The following ADGRL2 variants were observed in gnomAD, a reference collection of about 807,000 sequenced individuals.
The protein encoded by ADGRL2 is calcium-independent alpha-latrotoxin receptor 2.
Under a neutral mutation model 157.4 loss-of-function variants are expected in ADGRL2, and 44 were observed. That is an observed-to-expected ratio of 0.28 (90% CI 0.22 to 0.36). ADGRL2 has a LOEUF of 0.36. Among genes scored for constraint, ADGRL2 ranks in the 10% least tolerant of loss-of-function variants. The pLI is 1.00. For synonymous variants in ADGRL2, 585 were observed against 624.7 expected, an observed-to-expected ratio of 0.94 and a Z score of 0.95; for missense variants, 1,510 against 1,768.9, an observed-to-expected ratio of 0.85 and a Z score of 2.63.
chr1:81,852,296 T>G (rs1403598159), intron 2 of ADGRL2, among the ~76,000 whole-genome samples: 2 of 152,106 alleles, frequency 1.3e-5, no homozygotes, highest in African/African-American at 4.8e-5. Flanking sequence ...AATGTATTGC[T>G]GTTTGATAAG....
intron 1 of ADGRL2, among the ~76,000 whole-genome samples, chr1:81,324,407 G>A (rs1322539803): frequency 6.6e-6 from 1 of 151,406 alleles, no homozygotes; most frequent in Non-Finnish European, 1.5e-5. Context: ...TATTCGGAAA[G>A]CTGAGGCAGG....
At chr1:81,345,837 C>T (rs947039058) in intron 1 of ADGRL2, among the ~76,000 whole-genome samples, 1 of 152,084 alleles carries the variant, frequency 6.6e-6, no homozygotes, top group African/African-American at 2.4e-5. Context: ...TATAGATATT[C>T]AATTGATATT....
At chr1:81,382,708 TAGTGAC>T (rs2076364078) in intron 1 of ADGRL2, among the ~76,000 whole-genome samples, 3 of 152,128 alleles carry the variant, frequency 2.0e-5, no homozygotes, top group Admixed American at 1.3e-4. Context: ...CAAAAATAAA[TAGTGAC>T]AGATGAAGAG....
intron 2 of ADGRL2, among the ~76,000 whole-genome samples, chr1:81,882,338 T>G (rs2151240948): frequency 6.6e-6 from 1 of 152,304 alleles, no homozygotes; most frequent in South Asian, 2.1e-4. Flanking sequence ...ATGTCCCACA[T>G]AGTTAGGATC....
At chr1:81,319,866 C>CTGAA (rs1660388123) in intron 1 of ADGRL2, among the ~76,000 whole-genome samples, 1 of 152,138 alleles carries the variant, frequency 6.6e-6, no homozygotes, top group South Asian at 2.1e-4. Context: ...ATGGTAGTTG[C>CTGAA]TGAAGGTTGC....
In ADGRL2 at chr1:81,964,301, T is replaced by G. The variant is rs1010222433; in HGVS notation, c.2018-1757T>G. On this transcript the variant is annotated intron_variant, in intron 11 of 23. Transcript: ENST00000686636. ...CTCAGAGGATATTCTTCTTTCATCCTGTCTTGTTTTAAGATATGAAAGCTT... is the reference window on the plus strand; with the variant it reads ...CTCAGAGGATATTCTTCTTTCATCCGGTCTTGTTTTAAGATATGAAAGCTT... Among the ~76,000 whole-genome samples, 26 of 152,116 alleles carry G rather than the reference T, an allele frequency of 1.7e-4. 1 individual carries two copies. Among genetic ancestry groups the G allele is most frequent in the Admixed American group, 3.9e-4 (6 of 15,286 alleles).
intron 1 of ADGRL2, among the ~76,000 whole-genome samples, chr1:81,413,735 A>G (rs947297846): frequency 6.6e-6 from 1 of 152,238 alleles, no homozygotes; most frequent in Admixed American, 6.5e-5. Flanking sequence ...ATTTCCTTTT[A>G]CACTATCAGA....
chr1:81,358,714 T>G (rs755222947), intron 1 of ADGRL2, among the ~76,000 whole-genome samples: 1 of 152,140 alleles, frequency 6.6e-6, no homozygotes, highest in East Asian at 1.9e-4. Context: ...CATGAAAATA[T>G]GTGATTTATG....
chr1:81,872,157 C>T (rs1193675676), intron 2 of ADGRL2, among the ~76,000 whole-genome samples: 1 of 152,148 alleles, frequency 6.6e-6, no homozygotes, highest in East Asian at 1.9e-4. Flanking sequence ...ATATGGCTAG[C>T]CAGTTTTCCC....
At chr1:81,639,289 T>A (rs1276323827) in intron 3 of ADGRL2, among the ~76,000 whole-genome samples, 1 of 152,118 alleles carries the variant, frequency 6.6e-6, no homozygotes, top group Non-Finnish European at 1.5e-5. Context: ...CAGGCTGGTC[T>A]CGAACTCCTG....
intron 2 of ADGRL2, among the ~76,000 whole-genome samples, chr1:81,574,759 C>T (rs968134430): frequency 2.0e-5 from 3 of 152,136 alleles, no homozygotes; most frequent in African/African-American, 7.2e-5. Flanking sequence ...ATAGTAACAG[C>T]TTTCACACAA....
At chr1:81,502,681 C>G in intron 2 of ADGRL2, 1 of 1,613,498 alleles carries the variant, frequency 6.2e-7, no homozygotes, top group Non-Finnish European at 8.5e-7. Context: ...CATGAAGTAT[C>G]TGTATGCCTA....
At chr1:81,798,534 T>G (rs1389775503), upstream of ADGRL2, among the ~76,000 whole-genome samples, 3 of 151,822 alleles carry the variant, frequency 2.0e-5, no homozygotes, top group Non-Finnish European at 4.4e-5. Flanking sequence ...ATACACATCC[T>G]ATTGAAATAA....
intron 1 of ADGRL2, among the ~76,000 whole-genome samples, chr1:81,812,093 G>C (rs2089932489): frequency 1.3e-5 from 2 of 151,588 alleles, no homozygotes; most frequent in African/African-American, 4.8e-5. Context: ...TCAGGTAATT[G>C]GTAAGGAAGA....
intron 2 of ADGRL2, among the ~76,000 whole-genome samples, chr1:81,569,049 T>C (rs2080626700): frequency 6.6e-6 from 1 of 152,188 alleles, no homozygotes; most frequent in Non-Finnish European, 1.5e-5. Context: ...TTCCTCTGTA[T>C]AGCCACTTAT....
At chr1:81,559,156 A>T (rs2080382264) in intron 2 of ADGRL2, among the ~76,000 whole-genome samples, 1 of 152,042 alleles carries the variant, frequency 6.6e-6, no homozygotes, top group Non-Finnish European at 1.5e-5. Flanking sequence ...CTGAGTTTGG[A>T]CCTGACCTCA....
intron 1 of ADGRL2, among the ~76,000 whole-genome samples, chr1:81,704,107 C>G (rs1210566184): frequency 6.6e-6 from 1 of 152,228 alleles, no homozygotes; most frequent in Admixed American, 6.5e-5. Context: ...CTCCCTTCAT[C>G]ATCATACTTC....
At chr1:81,534,769 G>T (rs2079693028) in intron 2 of ADGRL2, among the ~76,000 whole-genome samples, 1 of 152,098 alleles carries the variant, frequency 6.6e-6, no homozygotes. Context: ...AATAATCATG[G>T]CCCATCTGAG....
At chr1:81,887,008 T>A (rs1393662565) in intron 2 of ADGRL2, among the ~76,000 whole-genome samples, 1 of 152,214 alleles carries the variant, frequency 6.6e-6, no homozygotes, top group Non-Finnish European at 1.5e-5. Flanking sequence ...TCTAGAGATA[T>A]TAAAAAGTGC....
Sources: gnomAD v4.1 joint callset for allele counts (sites outside exome capture counted in the v4.1 genomes callset) on GRCh38, gnomAD v4.1.1 for gene constraint, MANE v1.5 for transcripts, NCBI Gene and HGNC (gene_info 2026-07-23, HGNC 2026-07-21) for gene names.